NXPE2: variants seen among roughly 807,000 people sequenced by gnomAD.
The protein encoded by NXPE2 is neurexophilin and PC-esterase domain family member 2.
A neutral mutation model predicts 34.4 loss-of-function variants in NXPE2; 34 were observed. That is an observed-to-expected ratio of 0.99 (90% confidence interval 0.75 to 1.31). The LOEUF (loss-of-function observed/expected upper bound fraction) is 1.31, where lower values mean the gene tolerates loss of function less well. Ranked by LOEUF, NXPE2 falls within the 40% of genes most tolerant of loss-of-function variation. The probability of loss-of-function intolerance (pLI) is 0.00; values close to 1 mark genes in which losing one functional copy is unlikely to be tolerated. For missense variants in NXPE2, 649 were observed against 672.5 expected, an observed-to-expected ratio of 0.97 and a Z score of 0.39; for synonymous variants, 235 against 231.3, an observed-to-expected ratio of 1.02 and a Z score of -0.15.
the NXPE2 span, among the ~76,000 whole-genome samples, chr11:114,497,433 G>T: frequency 1.3e-5 from 2 of 152,114 alleles, no homozygotes; most frequent in Non-Finnish European, 2.9e-5. Context: ...TCCATTTATG[G>T]TAAGTACCCT....
At chr11:114,580,303 C>T in the NXPE2 span, 2 of 1,614,016 alleles carry the variant, frequency 1.2e-6, no homozygotes, top group South Asian at 1.1e-5. Context: ...GATGTCATTC[C>T]AAACTTGCAT....
At chr11:114,642,111 C>G in the NXPE2 span, among the ~76,000 whole-genome samples, 1 of 151,870 alleles carries the variant, frequency 6.6e-6, no homozygotes, top group Admixed American at 6.6e-5. Context: ...CTGGCAAACA[C>G]TACCTCAGCT....
chr11:114,624,569 G>A, the NXPE2 span, among the ~76,000 whole-genome samples: 19 of 151,536 alleles, frequency 1.3e-4, no homozygotes, highest in Admixed American at 7.9e-4. Context: ...GTATTGCCCC[G>A]TGGGTAACCA....
At chr11:114,522,606 C>T in the NXPE2 span, 1 of 958,286 alleles carries the variant, frequency 1.0e-6, no homozygotes, top group Non-Finnish European at 1.5e-6. Flanking sequence ...TAGATAATTG[C>T]TCACTGGAGC....
the NXPE2 span, among the ~76,000 whole-genome samples, chr11:114,553,077 C>T: frequency 1.3e-5 from 2 of 152,182 alleles, no homozygotes; most frequent in African/African-American, 4.8e-5. Flanking sequence ...TCAATCTCCA[C>T]CATGCTTCCT....
chr11:114,553,246 T>C, the NXPE2 span, among the ~76,000 whole-genome samples: 1 of 152,256 alleles, frequency 6.6e-6, no homozygotes, highest in South Asian at 2.1e-4. Context: ...TATCTCCTTA[T>C]GTGTCTGTGC....
the NXPE2 span, among the ~76,000 whole-genome samples, chr11:114,606,643 C>A: frequency 6.6e-6 from 1 of 151,430 alleles, no homozygotes; most frequent in Non-Finnish European, 1.5e-5. Context: ...TCGTGGGAAA[C>A]CAGTGTTACT....
the NXPE2 span, among the ~76,000 whole-genome samples, chr11:114,770,546 C>G: frequency 6.6e-6 from 1 of 152,196 alleles, no homozygotes; most frequent in Non-Finnish European, 1.5e-5. Context: ...GGCAGAAAGC[C>G]GCATAAATAG....
chr11:114,621,665 T>C, the NXPE2 span, among the ~76,000 whole-genome samples: 3 of 152,200 alleles, frequency 2.0e-5, no homozygotes, highest in Admixed American at 1.3e-4. Context: ...TGTTACCCTG[T>C]GGATAATAAG....
the NXPE2 span, chr11:114,581,795 C>T: frequency 1.4e-5 from 23 of 1,595,524 alleles, no homozygotes; most frequent in Non-Finnish European, 1.9e-5. Context: ...ACCTTAAAGA[C>T]ACAAATACAG....
chr11:114,485,518 C>T, the NXPE2 span, among the ~76,000 whole-genome samples: 8 of 151,278 alleles, frequency 5.3e-5, no homozygotes, highest in East Asian at 5.8e-4. Context: ...GCGTGAACCA[C>T]CACGCCTGGC....
intron 2 of NXPE2, among the ~76,000 whole-genome samples, chr11:114,682,271 C>A (rs1950962068): frequency 6.6e-6 from 1 of 152,176 alleles, no homozygotes; most frequent in African/African-American, 2.4e-5. Flanking sequence ...TAGGGGCCCA[C>A]ATGCTGGTCT....
At chr11:114,580,455 G>A in the NXPE2 span, 13 of 767,514 alleles carry the variant, frequency 1.7e-5, no homozygotes, top group Middle Eastern at 3.8e-4. Flanking sequence ...GGTAATGGTG[G>A]AAAAAGTATT....
At chr11:114,716,403 G>A in the NXPE2 span, among the ~76,000 whole-genome samples, 1 of 152,200 alleles carries the variant, frequency 6.6e-6, no homozygotes, top group African/African-American at 2.4e-5. Context: ...CCCAGGAAGA[G>A]GGGAGGAGGG....
At chr11:114,686,775 C>T (rs958537172) in intron 2 of NXPE2, among the ~76,000 whole-genome samples, 1 of 152,128 alleles carries the variant, frequency 6.6e-6, no homozygotes, top group African/African-American at 2.4e-5. Context: ...ACACTGCCAA[C>T]ATCTGTTATT....
the NXPE2 span, among the ~76,000 whole-genome samples, chr11:114,574,460 A>C: frequency 1.3e-5 from 2 of 152,146 alleles, no homozygotes; most frequent in Non-Finnish European, 2.9e-5. Flanking sequence ...ACCATTAGCA[A>C]GATTAACTAA....
At chr11:114,703,169 A>G (rs1951397920) in intron 3 of NXPE2, among the ~76,000 whole-genome samples, 1 of 152,202 alleles carries the variant, frequency 6.6e-6, no homozygotes, top group Non-Finnish European at 1.5e-5. Flanking sequence ...TGAAGAGTAG[A>G]TGAAGATGAA....
chr11:114,711,610 T>C (rs113000736), downstream of NXPE2, among the ~76,000 whole-genome samples: 5 of 152,134 alleles, frequency 3.3e-5, no homozygotes, highest in Non-Finnish European at 7.4e-5. Flanking sequence ...AGAAATAGAA[T>C]ACAAATAAAT....
intron 2 of NXPE2, among the ~76,000 whole-genome samples, chr11:114,686,011 A>C (rs1951039285): frequency 6.6e-6 from 1 of 152,150 alleles, no homozygotes; most frequent in Non-Finnish European, 1.5e-5. Context: ...ATCAGTTTCA[A>C]TATGCTGGTT....
Sources: allele counts gnomAD v4.1 joint callset (sites outside exome capture counted in the v4.1 genomes callset), GRCh38; gene constraint gnomAD v4.1.1; transcripts MANE v1.5; gene names NCBI Gene and HGNC (gene_info 2026-07-23, HGNC 2026-07-21).